RAMP3: variants seen among roughly 807,000 people sequenced by gnomAD.
RAMP3 encodes the protein receptor activity-modifying protein 3.
A neutral mutation model predicts 13.5 loss-of-function variants in RAMP3; 14 were observed. That is an observed-to-expected ratio of 1.04 (90% CI 0.69 to 1.63). RAMP3 has a LOEUF of 1.63. Among genes scored for constraint, RAMP3 ranks in the 40% most tolerant of loss-of-function variants. The pLI is 0.00. For synonymous variants in RAMP3, 106 were observed against 88.3 expected, an observed-to-expected ratio of 1.20 and a Z score of -1.12; for missense variants, 200 against 204.8, an observed-to-expected ratio of 0.98 and a Z score of 0.14.
intron 1 of RAMP3, among the ~76,000 whole-genome samples, chr7:45,173,125 G>A (rs867728479): frequency 1.2e-4 from 19 of 152,288 alleles, no homozygotes; most frequent in African/African-American, 4.3e-4. Context: ...CAAATCCATG[G>A]CCCTCTGGGT....
Position 45,171,079 on chromosome 7 carries a change from A to G in RAMP3, c.59-6230A>G, listed in dbSNP as rs1239671614. 2.0e-5 allele frequency among the ~76,000 whole-genome samples: 3 copies of G among 150,920 alleles called. No individual in the cohort carries two copies. The East Asian group carries it at 5.8e-4, about 29-fold the overall frequency. ...TCCCTTGTGAAATTTTCTTTGGCCT[A>G]TTGGTTATTTAGGAATGCTGTTTAT... On this transcript the variant is annotated intron_variant, in intron 1 of 2. Coordinates refer to ENST00000242249, the MANE Select transcript of RAMP3 (RefSeq NM_005856.3).
At chr7:45,183,099 A>G (rs1487063661) in intron 2 of RAMP3, 58 bp from the exon 3 acceptor site, 1 of 1,592,994 alleles carries the variant, frequency 6.3e-7, no homozygotes, top group Non-Finnish European at 8.5e-7. Context: ...GCCTCAGGTC[A>G]GGGCAGGTGT....
At chr7:45,163,676 T>G (rs1047166369) in intron 1 of RAMP3, 1 of 985,272 alleles carries the variant, frequency 1.0e-6, no homozygotes, top group Non-Finnish European at 1.2e-6. Context: ...ACACACAGAA[T>G]CAGAATCACT....
chr7:45,161,820 G>A (rs1414529036), intron 1 of RAMP3, among the ~76,000 whole-genome samples: 1 of 152,148 alleles, frequency 6.6e-6, no homozygotes, highest in African/African-American at 2.4e-5. Context: ...TAGGGGTCCA[G>A]GTGGACCAGG....
At chr7:45,181,814 A>G (rs750703674) in intron 2 of RAMP3, among the ~76,000 whole-genome samples, 2 of 152,292 alleles carry the variant, frequency 1.3e-5, no homozygotes, top group Non-Finnish European at 2.9e-5. Context: ...AGGAGAGCCA[A>G]CAGCTTTGTA....
Position 45,162,279 on chromosome 7 carries a change from G to C in RAMP3, c.58+4393G>C, listed in dbSNP as rs531005749. Among the ~76,000 whole-genome samples the C allele has an allele frequency of 2.0e-5, 3 of 152,346 alleles. No individual in the cohort carries two copies. The East Asian group carries it at 5.8e-4, about 29-fold the overall frequency. On this transcript the variant is annotated intron_variant, in intron 1 of 2. Coordinates refer to ENST00000242249, the MANE Select transcript of RAMP3 (RefSeq NM_005856.3). ...TCAGGCCCTTCCCAGGATCAATGCC[G>C]ACCTGTACTCCAGAATCTGTTGCAG...
At chr7:45,182,195 G>A (rs370917733) in intron 2 of RAMP3, among the ~76,000 whole-genome samples, 2 of 152,180 alleles carry the variant, frequency 1.3e-5, no homozygotes, top group Admixed American at 6.5e-5. Context: ...TGGGGAAGCC[G>A]AGGCAGGACC....
At chr7:45,158,024 G>A (rs1317287537) in intron 1 of RAMP3, 138 bp downstream of exon 1, 2 of 866,564 alleles carry the variant, frequency 2.3e-6, no homozygotes, top group African/African-American at 3.6e-5. Flanking sequence ...CAGTGACCCT[G>A]GCGGGATTCC....
At chr7:45,168,133 G>A (rs1204697289) in intron 1 of RAMP3, among the ~76,000 whole-genome samples, 1 of 151,926 alleles carries the variant, frequency 6.6e-6, no homozygotes, top group African/African-American at 2.4e-5. Context: ...TGGCATGGTG[G>A]TTCATGCCTG....
chr7:45,170,835 A>C (rs536006589), intron 1 of RAMP3, among the ~76,000 whole-genome samples: 1 of 151,940 alleles, frequency 6.6e-6, no homozygotes, highest in African/African-American at 2.4e-5. Context: ...TTTTATAGAG[A>C]TGAAGGTTTC....
intron 1 of RAMP3, among the ~76,000 whole-genome samples, chr7:45,174,318 T>C (rs1786137763): frequency 1.3e-5 from 2 of 152,112 alleles, no homozygotes; most frequent in South Asian, 4.1e-4. Context: ...CCAGGGAAAG[T>C]ACAGGCTGGG....
At chr7:45,177,578 C>T in intron 2 of RAMP3, 137 bp downstream of exon 2, 1 of 1,307,466 alleles carries the variant, frequency 7.6e-7, no homozygotes, top group African/African-American at 1.5e-5. Context: ...GTAGGCCACC[C>T]ACAGCCCTTT....
intron 1 of RAMP3, chr7:45,163,143 C>T (rs1785895717): frequency 2.0e-6 from 2 of 984,730 alleles, no homozygotes; most frequent in South Asian, 4.7e-5. Context: ...CCCAGAGGCT[C>T]CCATGCAATA....
intron 1 of RAMP3, among the ~76,000 whole-genome samples, chr7:45,171,980 G>T (rs115353091): frequency 0.012 from 1,886 of 152,336 alleles, 33 homozygotes; most frequent in African/African-American, 0.043. Context: ...AGGCACCCAT[G>T]AGGGACACTG....
chr7:45,180,954 T>C (rs1247256936), intron 2 of RAMP3, among the ~76,000 whole-genome samples: 1 of 152,230 alleles, frequency 6.6e-6, no homozygotes, highest in Non-Finnish European at 1.5e-5. Flanking sequence ...TCTCTAGATA[T>C]GTGACAAAAA....
At position 45,181,976 on chromosome 7, in the gene RAMP3, C is replaced by A. The variant is rs554229049; in HGVS notation, c.192-1181C>A. ...GCTGAGTGACTGTACCTGGGCTTCC[C>A]AGACCCTTCCTGGGGCATGGGGTTG... On this transcript the variant is annotated intron_variant, in intron 2 of 2. Transcript: ENST00000242249. 1.9e-3 allele frequency among the ~76,000 whole-genome samples: 282 copies of A among 152,296 alleles called. 1 individual carries two copies. Among genetic ancestry groups the A allele is most frequent in the African/African-American group, 6.5e-3 (270 of 41,554 alleles).
rs536869003 is a variant in RAMP3 at position 45,181,937 on chromosome 7, C to G, written c.192-1220C>G. On this transcript the variant is annotated intron_variant, in intron 2 of 2. Coordinates refer to ENST00000242249, the MANE Select transcript of RAMP3 (RefSeq NM_005856.3). ...AAGGTGCTGAGAGCCAGCCTTGGAT[C>G]AGTCAGGAGCTGGGCTGAGTGACTG... Among the ~76,000 whole-genome samples the G allele has an allele frequency of 3.9e-5, 6 of 152,308 alleles. No homozygotes were observed. In the East Asian group the frequency reaches 1.2e-3, roughly 29 times the overall value.
At chr7:45,175,554 G>A (rs1267754557) in intron 1 of RAMP3, among the ~76,000 whole-genome samples, 1 of 152,228 alleles carries the variant, frequency 6.6e-6, no homozygotes, top group Non-Finnish European at 1.5e-5. Flanking sequence ...TGGATTCTGA[G>A]GTATAGGTTT....
chr7:45,164,439 G>C (rs11979392), intron 1 of RAMP3, among the ~76,000 whole-genome samples: 1 of 151,990 alleles, frequency 6.6e-6, no homozygotes, highest in Non-Finnish European at 1.5e-5. Context: ...GGAGGCTGGG[G>C]TGGGAGGATT....
Sources: allele counts gnomAD v4.1 joint callset (sites outside exome capture counted in the v4.1 genomes callset), GRCh38; gene constraint gnomAD v4.1.1; transcripts MANE v1.5; gene names NCBI Gene and HGNC (gene_info 2026-07-23, HGNC 2026-07-21).